KCND3: variants seen among roughly 807,000 people sequenced by gnomAD.
The protein encoded by KCND3 is A-type voltage-gated potassium channel KCND3.
Under a neutral mutation model 51.1 loss-of-function variants are expected in KCND3, and 9 were observed. The observed-to-expected ratio is 0.18, with a 90% confidence interval of 0.11 to 0.31. The LOEUF is 0.31. KCND3 is among the 10% of genes least tolerant of loss of function. KCND3 has a pLI of 1.00. For missense variants in KCND3, 526 were observed against 903.8 expected, an observed-to-expected ratio of 0.58 and a Z score of 5.36; for synonymous variants, 349 against 368.0, an observed-to-expected ratio of 0.95 and a Z score of 0.59.
rs1663964044 is a variant in KCND3 at position 111,772,517 on chromosome 1, G to A, written c.*3560C>T. On this transcript the variant is annotated 3_prime_UTR_variant, in exon 8 of 8. Transcript: ENST00000302127. ...CTCCAAAGCATCACTGCTCTCAGAGGCAGTGGGTGTGGTAGAAAATGCATT... is the reference window on the plus strand; with the variant it reads ...CTCCAAAGCATCACTGCTCTCAGAGACAGTGGGTGTGGTAGAAAATGCATT... 3 of 152,224 alleles carry A rather than the reference G, an allele frequency of 2.0e-5. No homozygotes were observed. The highest frequency in any genetic ancestry group is 2.0e-4 in the Admixed American group (3 of 15,290). The allele number at this position is 152,224 out of a possible 1,614,324, so 9.4% of individuals were successfully genotyped here.
At chr1:111,927,030 T>G (rs569160187) in intron 2 of KCND3, among the ~76,000 whole-genome samples, 1 of 152,312 alleles carries the variant, frequency 6.6e-6, no homozygotes, top group South Asian at 2.1e-4. Context: ...TGCTGCTAAG[T>G]GCTTTATGTC....
intron 2 of KCND3, among the ~76,000 whole-genome samples, chr1:111,815,321 T>C (rs966191050): frequency 6.6e-6 from 1 of 151,986 alleles, no homozygotes; most frequent in Non-Finnish European, 1.5e-5. Flanking sequence ...TTCTCCTTCT[T>C]CATCAGTCAC....
At chr1:111,802,413 G>A (rs1256147757) in intron 2 of KCND3, among the ~76,000 whole-genome samples, 1 of 152,248 alleles carries the variant, frequency 6.6e-6, no homozygotes, top group Non-Finnish European at 1.5e-5. Flanking sequence ...ACAATGTCAT[G>A]CAAAGAACGT....
At chr1:111,884,874 C>T (rs1669498323) in intron 2 of KCND3, among the ~76,000 whole-genome samples, 1 of 152,108 alleles carries the variant, frequency 6.6e-6, no homozygotes, top group South Asian at 2.1e-4. Context: ...GCACTATTGA[C>T]ATTGGGCCTG....
chr1:111,854,988 G>A (rs1667995354), intron 2 of KCND3, among the ~76,000 whole-genome samples: 1 of 152,152 alleles, frequency 6.6e-6, no homozygotes, highest in Non-Finnish European at 1.5e-5. Flanking sequence ...CTGTCACAGA[G>A]TAAGGTACCT....
intron 2 of KCND3, among the ~76,000 whole-genome samples, chr1:111,794,860 A>G (rs552066357): frequency 6.6e-6 from 1 of 152,326 alleles, no homozygotes; most frequent in East Asian, 1.9e-4. Flanking sequence ...GAGGAAACTG[A>G]GGCACAGAGT....
chr1:111,861,539 A>G (rs1668339967), intron 2 of KCND3, among the ~76,000 whole-genome samples: 1 of 152,170 alleles, frequency 6.6e-6, no homozygotes, highest in Admixed American at 6.5e-5. Flanking sequence ...TCCCAGGCCC[A>G]CTGCAGGACC....
intron 2 of KCND3, among the ~76,000 whole-genome samples, chr1:111,851,909 T>A (rs1667831481): frequency 6.6e-6 from 1 of 152,214 alleles, no homozygotes; most frequent in African/African-American, 2.4e-5. Context: ...AAAGGATGTT[T>A]ACCACGACAG....
In KCND3 at chr1:111,782,553, C is replaced by T. The variant is rs1285552752; in HGVS notation, c.1270-1762G>A. Among the ~76,000 whole-genome samples the T allele has an allele frequency of 1.3e-5, 2 of 152,116 alleles. 1 individual carries two copies. Among genetic ancestry groups the T allele is most frequent in the South Asian group, 4.1e-4 (2 of 4,822 alleles). On this transcript the variant is annotated intron_variant, in intron 3 of 7. Transcript: ENST00000302127. ...CCTTGGCTAGATATTTACATTCAAG[C>T]AAGTTCCTCATCATTTGAGGATGTG...
At position 111,982,169 on chromosome 1, in the gene KCND3, G is replaced by A. The variant is rs902274920; in HGVS notation, c.558C>T (p.Tyr186=). ...PHTSTLALVF[Y]YVTGFFIAVS... ...CAGCGATGAAGAAGCCAGTCACGTA[G>A]TAGAAGACCAGGGCCAGCGTGCTGG... Residue 186 remains tyrosine (Y), a synonymous_variant, in exon 2 of 8, where the codon TAC becomes TAT. Transcript: ENST00000302127. The surrounding 1 kb of genome is among the most constrained non-coding windows in gnomAD (Gnocchi z 8.5). The A allele has an allele frequency of 1.2e-6, 2 of 1,613,986 alleles. No homozygotes were observed. The highest frequency in any genetic ancestry group is 1.3e-5 in the African/African-American group (1 of 74,930).
intron 2 of KCND3, among the ~76,000 whole-genome samples, chr1:111,905,671 G>C (rs17029031): frequency 0.085 from 12,977 of 152,184 alleles, 881 homozygotes; most frequent in South Asian, 0.23. Context: ...TCTGGGAGTC[G>C]CGTATAAAAC....
At chr1:111,973,267 C>T (rs1455355383) in intron 2 of KCND3, among the ~76,000 whole-genome samples, 2 of 152,218 alleles carry the variant, frequency 1.3e-5, no homozygotes, top group South Asian at 2.1e-4. Context: ...CTTTGTACAA[C>T]CTCGAAGGCA....
chr1:111,867,701 T>C lies in KCND3; in HGVS notation c.1107-80595A>G, dbSNP rs929684727. Among the ~76,000 whole-genome samples, 8 of 152,302 alleles carry C rather than the reference T, an allele frequency of 5.3e-5. No individual in the cohort carries two copies. In the Middle Eastern group the frequency reaches 0.01, roughly 194 times the overall value. On this transcript the variant is annotated intron_variant, in intron 2 of 7. Coordinates refer to ENST00000302127, the MANE Select transcript of KCND3 (RefSeq NM_001378969.1). ...TATGCACATCTAAGAGGGAGAAGCT[T>C]TAAAAACTCTACAGATTTTCCAAGG...
intron 2 of KCND3, among the ~76,000 whole-genome samples, chr1:111,918,543 T>C (rs902640368): frequency 3.3e-5 from 5 of 152,128 alleles, no homozygotes; most frequent in Non-Finnish European, 7.3e-5. Flanking sequence ...AGACCCTCCA[T>C]AGCTATAGTG....
intron 2 of KCND3, among the ~76,000 whole-genome samples, chr1:111,878,821 C>G (rs1391100557): frequency 1.7e-4 from 26 of 152,116 alleles, no homozygotes. Flanking sequence ...CCACAGGGTG[C>G]CCAGGTATTT....
chr1:111,946,016 C>A (rs1232156989), intron 2 of KCND3, among the ~76,000 whole-genome samples: 2 of 152,220 alleles, frequency 1.3e-5, no homozygotes, highest in African/African-American at 4.8e-5. Context: ...ACCAACATCA[C>A]TAGGTGTTGT....
chr1:111,796,345 T>C (rs1427270001), intron 2 of KCND3, among the ~76,000 whole-genome samples: 3 of 152,082 alleles, frequency 2.0e-5, no homozygotes, highest in Non-Finnish European at 4.4e-5. Context: ...TGCAGCACTA[T>C]TCACAATAGC....
intron 2 of KCND3, among the ~76,000 whole-genome samples, chr1:111,876,378 T>G (rs549402616): frequency 2.5e-4 from 38 of 152,300 alleles, no homozygotes; most frequent in Admixed American, 2.2e-3. Flanking sequence ...CGAGTGCCTA[T>G]GAAGCACTCA....
intron 2 of KCND3, among the ~76,000 whole-genome samples, chr1:111,914,334 T>C (rs188548576): frequency 2.1e-5 from 3 of 144,808 alleles, no homozygotes; most frequent in Non-Finnish European, 4.5e-5. Flanking sequence ...ATCTAACATA[T>C]ATGTAACTGG....
Sources: gnomAD v4.1 joint callset for allele counts (sites outside exome capture counted in the v4.1 genomes callset) on GRCh38, gnomAD v4.1.1 for gene constraint, Gnocchi (gnomAD v3.1) non-coding constraint, MANE v1.5 for transcripts, NCBI Gene and HGNC (gene_info 2026-07-23, HGNC 2026-07-21) for gene names.